Variants in SDC4 observed in about 807,000 individuals in gnomAD.
SDC4 encodes syndecan-4.
A neutral mutation model predicts 20.5 loss-of-function variants in SDC4; 17 were observed. That is an observed-to-expected ratio of 0.83 (90% CI 0.57 to 1.25). The LOEUF (loss-of-function observed/expected upper bound fraction) is 1.25, where lower values mean the gene tolerates loss of function less well. SDC4 is among the 50% of genes most tolerant of loss of function. The pLI is 0.00. For missense variants in SDC4, 241 were observed against 252.3 expected (o/e 0.96, Z 0.30); for synonymous variants, 107 against 105.3 (o/e 1.02, Z -0.10).
chr20:45,332,216 T>C (rs1600729445), intron 3 of SDC4, among the ~76,000 whole-genome samples: 1 of 150,242 alleles, frequency 6.7e-6, no homozygotes, highest in Admixed American at 6.7e-5. Flanking sequence ...GGTGCAATGG[T>C]GCAATCTCTG....
Position 45,326,224 on chromosome 20 carries a change from T to A in SDC4, c.*1040A>T, listed in dbSNP as rs1369479362. ...GGGATCTGCTAAAAAAAAACTATGT[T>A]TCGGCAAAAGCTATTTTATAAGAGG... On this transcript the variant is annotated 3_prime_UTR_variant, in exon 5 of 5. Transcript: ENST00000372733. 6.8e-6 allele frequency: 1 copy of A among 147,030 alleles called. No individual in the cohort carries two copies. The highest frequency in any genetic ancestry group is 1.5e-5 in the Non-Finnish European group (1 of 65,750). 9.1% of individuals were successfully genotyped at this position (147,030 alleles called of 1,614,324 possible).
chr20:45,336,494 G>T (rs1469992383), intron 1 of SDC4, among the ~76,000 whole-genome samples: 1 of 152,168 alleles, frequency 6.6e-6, no homozygotes, highest in Non-Finnish European at 1.5e-5. Flanking sequence ...CTTGCTATGT[G>T]CTGGGCCCTG....
At chr20:45,346,538 C>A (rs1040162157) in intron 1 of SDC4, among the ~76,000 whole-genome samples, 3 of 152,234 alleles carry the variant, frequency 2.0e-5, no homozygotes, top group African/African-American at 7.2e-5. Context: ...TGGGAGGAAA[C>A]TGGCATGTGA....
In SDC4 at chr20:45,326,968, G is replaced by T. The variant is rs1241058204; in HGVS notation, c.*296C>A. 6.7e-6 allele frequency: 2 copies of T among 297,276 alleles called. No homozygotes were observed. The highest frequency in any genetic ancestry group is 6.2e-5 in the East Asian group (1 of 16,054). 18.4% of individuals were successfully genotyped at this position (297,276 alleles called of 1,614,324 possible). A position where few individuals can be genotyped will look rare whatever the true frequency, so the allele number is the denominator to read the frequency against. On this transcript the variant is annotated 3_prime_UTR_variant, in exon 5 of 5. Transcript: ENST00000372733. ...GATGAGGCATGGTCAGTATGGGCTTGAGGGCGGACCTAGATTCTTAACTGG... is the reference window on the plus strand; with the variant it reads ...GATGAGGCATGGTCAGTATGGGCTTTAGGGCGGACCTAGATTCTTAACTGG...
At chr20:45,342,572 C>T (rs1452524789) in intron 1 of SDC4, among the ~76,000 whole-genome samples, 1 of 152,098 alleles carries the variant, frequency 6.6e-6, no homozygotes, top group Non-Finnish European at 1.5e-5. Context: ...AGCAGCCGAG[C>T]TCCCGGGCCT....
In SDC4 at chr20:45,331,948, A is replaced by G. The variant is rs111427638; in HGVS notation, c.246+1075T>C. On this transcript the variant is annotated intron_variant, in intron 3 of 4. Coordinates refer to ENST00000372733, the MANE Select transcript of SDC4 (RefSeq NM_002999.4). The stretch of plus-strand genomic sequence containing the variant: ...TTTTATTCCTTTACTTTCTTAATAA[A>G]CTTGTTATTGCTTTGCAAAAATAAA... 2.4e-3 allele frequency among the ~76,000 whole-genome samples: 370 copies of G among 152,250 alleles called. 2 individuals carry two copies. The highest frequency in any genetic ancestry group is 8.4e-3 in the African/African-American group (347 of 41,536).
At chr20:45,332,729 G>T (rs945580437) in intron 3 of SDC4, among the ~76,000 whole-genome samples, 2 of 152,004 alleles carry the variant, frequency 1.3e-5, no homozygotes, top group Non-Finnish European at 2.9e-5. Context: ...CAAGTAGCTG[G>T]GACTACAGGC....
chr20:45,337,134 A>C (rs1202736539), intron 1 of SDC4, among the ~76,000 whole-genome samples: 1 of 152,154 alleles, frequency 6.6e-6, no homozygotes, highest in African/African-American at 2.4e-5. Context: ...AGCTCCACCG[A>C]GTGGGAACAA....
chr20:45,347,438 A>C (rs560017159), intron 1 of SDC4, among the ~76,000 whole-genome samples: 205 of 151,818 alleles, frequency 1.4e-3, no homozygotes, highest in Admixed American at 2.3e-3. Flanking sequence ...GCATGGATAG[A>C]GCTTCTGCTG....
chr20:45,330,858 A>G (rs1316809933), intron 3 of SDC4, among the ~76,000 whole-genome samples: 1 of 152,232 alleles, frequency 6.6e-6, no homozygotes, highest in Non-Finnish European at 1.5e-5. Flanking sequence ...CCACTCTGGA[A>G]GCAATTTGGC....
chr20:45,333,945 TAAA>T (rs201883299), intron 2 of SDC4, among the ~76,000 whole-genome samples: 5 of 110,240 alleles, frequency 4.5e-5, no homozygotes, highest in Non-Finnish European at 4.1e-5. Flanking sequence ...ATTCATTGGT[TAAA>T]AAAAAAAGAA....
intron 1 of SDC4, among the ~76,000 whole-genome samples, chr20:45,342,304 T>A (rs1249044856): frequency 6.6e-6 from 1 of 152,102 alleles, no homozygotes; most frequent in East Asian, 1.9e-4. Flanking sequence ...GGTCAGTCTG[T>A]CCCACAGACG....
At chr20:45,327,563 T>G in intron 4 of SDC4, 148 bp from the exon 5 acceptor site, 2 of 878,892 alleles carry the variant, frequency 2.3e-6, no homozygotes, top group Non-Finnish European at 3.4e-6. Context: ...ATGCCTTATT[T>G]AAGTTGACCT....
At chr20:45,338,371 G>C (rs1987904835) in intron 1 of SDC4, among the ~76,000 whole-genome samples, 1 of 147,552 alleles carries the variant, frequency 6.8e-6, no homozygotes, top group Admixed American at 6.6e-5. Flanking sequence ...AAGTAGGGGG[G>C]TCAATCTAGC....
chr20:45,341,486 A>T (rs1487500490), intron 1 of SDC4, among the ~76,000 whole-genome samples: 8 of 152,176 alleles, frequency 5.3e-5, no homozygotes, highest in Non-Finnish European at 1.2e-4. Context: ...ATTTTCCCCG[A>T]AGGTGCAAAT....
chr20:45,331,278 A>T (rs1378603190), intron 3 of SDC4, among the ~76,000 whole-genome samples: 1 of 151,906 alleles, frequency 6.6e-6, no homozygotes, highest in Non-Finnish European at 1.5e-5. Context: ...TTCTGACTGA[A>T]CCCCTCTCTA....
chr20:45,343,573 T>A (rs1165444926), intron 1 of SDC4, among the ~76,000 whole-genome samples: 1 of 152,120 alleles, frequency 6.6e-6, no homozygotes, highest in East Asian at 1.9e-4. Flanking sequence ...CATAAACCCA[T>A]TCGATAATTA....
At chr20:45,341,031 T>C (rs562961225) in intron 1 of SDC4, among the ~76,000 whole-genome samples, 1 of 152,330 alleles carries the variant, frequency 6.6e-6, no homozygotes, top group South Asian at 2.1e-4. Context: ...TGGGAGTTTA[T>C]TTCATCTCTG....
In SDC4 at chr20:45,330,207, G is replaced by A. The variant is rs1600728661; in HGVS notation, c.445+159C>T. Among the ~76,000 whole-genome samples, 3 of 152,288 alleles carry A rather than the reference G, an allele frequency of 2.0e-5. 1 individual carries two copies. The highest frequency in any genetic ancestry group is 2.0e-4 in the Admixed American group (3 of 15,292). ...CTGCACAGTCAGAGCCACCCCATAA[G>A]GAAGGTGTAGTCTTTCAATGTTCTA... On this transcript the variant is annotated intron_variant, in intron 4 of 4. Transcript: ENST00000372733.
Sources: gnomAD v4.1 joint callset for allele counts (sites outside exome capture counted in the v4.1 genomes callset) on GRCh38, gnomAD v4.1.1 for gene constraint, MANE v1.5 for transcripts, NCBI Gene and HGNC (gene_info 2026-07-23, HGNC 2026-07-21) for gene names.